The following HKDC1 variants were observed in gnomAD, a reference collection of about 807,000 sequenced individuals.
HKDC1 encodes hexokinase domain containing 1, also known as hexokinase HKDC1.
A neutral mutation model predicts 96.6 loss-of-function variants in HKDC1; 66 were observed. The observed-to-expected ratio is 0.68, with a 90% CI of 0.56 to 0.84. The LOEUF (loss-of-function observed/expected upper bound fraction) is 0.84, where lower values mean the gene tolerates loss of function less well. HKDC1 is among the 40% of genes least tolerant of loss of function. The pLI, the probability that HKDC1 is intolerant of heterozygous loss-of-function variation, is 0.00. For missense variants in HKDC1, 1,211 were observed against 1,208.1 expected, an observed-to-expected ratio of 1.00 and a Z score of -0.04; for synonymous variants, 466 against 473.1, an observed-to-expected ratio of 0.98 and a Z score of 0.20.
At chr10:69,265,420 T>C (rs1843879599) in intron 16 of HKDC1, 165 bp from the exon 17 acceptor site, 1 of 643,068 alleles carries the variant, frequency 1.6e-6, no homozygotes, top group Admixed American at 2.9e-5. Flanking sequence ...GTGGACCTTC[T>C]TGAGTCTCGG....
In HKDC1 at chr10:69,265,605, A is replaced by G. The variant is rs1449332162; in HGVS notation, c.2393A>G (p.Gln798Arg). The part of the protein sequence containing the change: ...QIESDRLALL[Q>R]VRRILQQLGL... ...TGCAGCGATCGGCTGGCCCTTCTCC[A>G]GGTCAGGAGGATTCTGCAGCAGCTG... Residue 798 changes from glutamine to arginine, a missense_variant, in exon 17 of 18, where the codon CAG (glutamine) becomes CGG (arginine). By Grantham distance (43) the Gln-to-Arg change is conservative. Transcript: ENST00000354624. 3 of 1,613,204 alleles carry G rather than the reference A, an allele frequency of 1.9e-6. No homozygotes were observed. The South Asian group carries it at 3.3e-5, about 18-fold the overall frequency.
At chr10:69,259,745 AG>A (rs1207468178) in intron 15 of HKDC1, among the ~76,000 whole-genome samples, 2 of 152,198 alleles carry the variant, frequency 1.3e-5, no homozygotes, top group Middle Eastern at 3.2e-3. Flanking sequence ...TGGCTGGAGA[AG>A]GAGGAAGAAA....
chr10:69,238,850 C>T (rs1386185200), intron 4 of HKDC1, among the ~76,000 whole-genome samples, 192 bp from the exon 5 acceptor site: 2 of 152,160 alleles, frequency 1.3e-5, no homozygotes, highest in African/African-American at 4.8e-5. Context: ...ATATTTCAAA[C>T]CACTCAGATG....
At chr10:69,235,057 G>A (rs1843339146) in intron 4 of HKDC1, among the ~76,000 whole-genome samples, 1 of 152,182 alleles carries the variant, frequency 6.6e-6, no homozygotes, top group Non-Finnish European at 1.5e-5. Flanking sequence ...GAGCCAGGGA[G>A]TCCAGGCTGC....
chr10:69,266,358 A>C (rs1394355421), intron 17 of HKDC1, among the ~76,000 whole-genome samples: 2 of 151,924 alleles, frequency 1.3e-5, no homozygotes, highest in African/African-American at 4.8e-5. Flanking sequence ...TCCCAGCTAC[A>C]TGGGAGGCTG....
At chr10:69,235,201 C>T (rs1049701895) in intron 4 of HKDC1, among the ~76,000 whole-genome samples, 2 of 152,194 alleles carry the variant, frequency 1.3e-5, no homozygotes, top group Non-Finnish European at 2.9e-5. Flanking sequence ...GGGGGCAGAT[C>T]ACCTGACATC....
chr10:69,230,926 G>A lies in HKDC1; in HGVS notation c.227-1838G>A, dbSNP rs1381863428. Among the ~76,000 whole-genome samples, 6 of 152,170 alleles carry A rather than the reference G, an allele frequency of 3.9e-5. No homozygotes were observed. The East Asian group carries it at 1.2e-3, about 29-fold the overall frequency. On this transcript the variant is annotated intron_variant, in intron 2 of 17. Coordinates refer to ENST00000354624, the MANE Select transcript of HKDC1 (RefSeq NM_025130.4). ...TGAGCCACCGTGCCTGGCCGGGGCTGTTTTCTTGATGTCTGTGAAGACTCT... is the reference window on the plus strand; with the variant it reads ...TGAGCCACCGTGCCTGGCCGGGGCTATTTTCTTGATGTCTGTGAAGACTCT...
At chr10:69,255,881 C>T (rs1055607772) in intron 12 of HKDC1, among the ~76,000 whole-genome samples, 2 of 149,656 alleles carry the variant, frequency 1.3e-5, no homozygotes, top group East Asian at 2.0e-4. Context: ...CACACCATTA[C>T]ACTCCAGCCT....
At chr10:69,240,938 G>A (rs768174620) in intron 6 of HKDC1, among the ~76,000 whole-genome samples, 187 bp downstream of exon 6, 1 of 152,114 alleles carries the variant, frequency 6.6e-6, no homozygotes, top group Non-Finnish European at 1.5e-5. Context: ...ATTGTGTGCC[G>A]GCCCCTGGGC....
chr10:69,228,886 GAAGA>G (rs144331038), intron 2 of HKDC1, among the ~76,000 whole-genome samples: 9,491 of 141,760 alleles, frequency 0.067, 1,037 homozygotes, highest in African/African-American at 0.23. Flanking sequence ...AAGAAAGGAA[GAAGA>G]AAGAAAGAAA....
chr10:69,243,685 C>T (rs774573759), intron 7 of HKDC1, among the ~76,000 whole-genome samples: 3 of 151,802 alleles, frequency 2.0e-5, no homozygotes, highest in Non-Finnish European at 4.4e-5. Context: ...TTTGTAGAGT[C>T]AGGGTTTTGC....
At position 69,248,734 on chromosome 10, in the gene HKDC1, C is replaced by CCGGCA. The variant is rs1843587854; in HGVS notation, c.1570+7_1570+8insGGCAC. ...CGGGCTGCCGGACGGCACAGGTGGG[C>CCGGCA]CAGCACAGCCTCCCTCTCTGAACAG... is the stretch of plus-strand genomic sequence containing the variant. On this transcript the variant is annotated splice_region_variant and intron_variant, in intron 10 of 17. Coordinates refer to ENST00000354624, the MANE Select transcript of HKDC1 (RefSeq NM_025130.4). 6.3e-7 allele frequency: 1 copy of CCGGCA among 1,590,474 alleles called. No homozygotes were observed. Among genetic ancestry groups the CCGGCA allele is most frequent in the Admixed American group, 1.7e-5 (1 of 58,654 alleles).
intron 1 of HKDC1, among the ~76,000 whole-genome samples, chr10:69,222,050 C>T (rs553601800): frequency 1.1e-4 from 16 of 152,286 alleles, no homozygotes; most frequent in African/African-American, 3.1e-4. Flanking sequence ...GGTGAAACCC[C>T]GTCTCTACTA....
At chr10:69,237,101 T>C (rs1046768531) in intron 4 of HKDC1, among the ~76,000 whole-genome samples, 1 of 151,602 alleles carries the variant, frequency 6.6e-6, no homozygotes, top group Non-Finnish European at 1.5e-5. Context: ...TGTGAGGAGG[T>C]GTGATTAGGG....
chr10:69,247,648 C>T (rs1843563876), intron 9 of HKDC1, 55 bp downstream of exon 9: 1 of 1,413,916 alleles, frequency 7.1e-7, no homozygotes, highest in Non-Finnish European at 9.9e-7. Flanking sequence ...GGAGCAGGGC[C>T]CCAGTGTCTT....
Position 69,266,942 on chromosome 10 carries a change from A to T in HKDC1, c.*185A>T, listed in dbSNP as rs1228669485. 5.6e-6 allele frequency: 3 copies of T among 531,586 alleles called. No individual in the cohort carries two copies. The East Asian group carries it at 9.5e-5, about 17-fold the overall frequency. The allele number at this position is 531,586 out of a possible 1,614,324, so 32.9% of individuals were successfully genotyped here. On this transcript the variant is annotated 3_prime_UTR_variant, in exon 18 of 18. Transcript: ENST00000354624. Reference sequence around the variant, plus strand: ...TGGATTTGCAGTGACATTACATGACATCTCTATTTGGTATATTTGGGCCAA... The same window carrying T: ...TGGATTTGCAGTGACATTACATGACTTCTCTATTTGGTATATTTGGGCCAA...
At chr10:69,252,746 T>C (rs567764391) in intron 12 of HKDC1, among the ~76,000 whole-genome samples, 29 of 151,596 alleles carry the variant, frequency 1.9e-4, no homozygotes, top group African/African-American at 6.8e-4. Context: ...GCCCAGGAGA[T>C]TGAGGTTCCA....
intron 16 of HKDC1, chr10:69,265,224 C>T (rs1047838644): frequency 4.5e-6 from 1 of 223,908 alleles, no homozygotes; most frequent in African/African-American, 2.3e-5. Flanking sequence ...ATTTGAGCCC[C>T]TGCTCTCTAA....
intron 6 of HKDC1, among the ~76,000 whole-genome samples, chr10:69,241,182 G>A (rs563431045): frequency 1.3e-5 from 2 of 152,346 alleles, no homozygotes; most frequent in South Asian, 2.1e-4. Context: ...TGCAAACCAG[G>A]GAGCAAGGTG....
Sources: allele counts gnomAD v4.1 joint callset (sites outside exome capture counted in the v4.1 genomes callset), GRCh38; gene constraint gnomAD v4.1.1; transcripts MANE v1.5; gene names NCBI Gene and HGNC (gene_info 2026-07-23, HGNC 2026-07-21).